Variants in FBXO41 observed in about 807,000 individuals in gnomAD.
FBXO41 encodes the protein F-box only protein 41.
Under a neutral mutation model 81.6 loss-of-function variants are expected in FBXO41, and 33 were observed. That is an observed-to-expected ratio of 0.40 (90% confidence interval 0.31 to 0.54). The LOEUF (loss-of-function observed/expected upper bound fraction) is 0.54. Among genes scored for constraint, FBXO41 ranks in the 20% least tolerant of loss-of-function variants. FBXO41 has a pLI of 0.39. For missense variants in FBXO41, 1,107 were observed against 1,236.0 expected, an observed-to-expected ratio of 0.90 and a Z score of 1.56; for synonymous variants, 576 against 552.7, an observed-to-expected ratio of 1.04 and a Z score of -0.59.
rs1688003023 is a variant in FBXO41, at chr2:73,260,961, C to T, written c.2172-103G>A. The T allele has an allele frequency of 4.4e-6, 4 of 918,764 alleles. No individual in the cohort carries two copies. Among genetic ancestry groups the T allele is most frequent in the Non-Finnish European group, 4.9e-6 (3 of 608,586 alleles). 56.9% of individuals were successfully genotyped at this position (918,764 alleles called of 1,614,324 possible). ...CTCCCTGACTCAGGCAAGCATTCCT[C>T]CAACAACCCAGCAGGTCAAGTCAGA... On this transcript the variant is annotated intron_variant, in intron 9 of 12. Transcript: ENST00000520530. The surrounding 1 kb of genome is among the most constrained non-coding windows in gnomAD (Gnocchi z 5.0).
Position 73,259,450 on chromosome 2 carries a change from C to T in FBXO41, c.2450-154G>A, listed in dbSNP as rs771380663. 6.6e-6 allele frequency among the ~76,000 whole-genome samples: 1 copy of T among 152,162 alleles called. No homozygotes were observed. The highest frequency in any genetic ancestry group is 2.4e-5 in the African/African-American group (1 of 41,444). On this transcript the variant is annotated intron_variant, in intron 11 of 12. Transcript: ENST00000520530. The surrounding 1 kb of genome is among the most constrained non-coding windows in gnomAD (Gnocchi z 4.2). The stretch of plus-strand genomic sequence containing the variant: ...CTCATGCCACCTGGGGGCTGGCGAC[C>T]GGATGCGGGGAGAGGTAGATGGGGC...
Sources: allele counts gnomAD v4.1 joint callset (sites outside exome capture counted in the v4.1 genomes callset), GRCh38; gene constraint gnomAD v4.1.1; non-coding constraint Gnocchi (gnomAD v3.1); transcripts MANE v1.5; gene names NCBI Gene and HGNC (gene_info 2026-07-23, HGNC 2026-07-21).